The following INSR variants were observed in gnomAD, a reference collection of about 807,000 sequenced individuals.
INSR encodes the protein insulin receptor.
In INSR, 67 loss-of-function variants were observed where a neutral mutation model predicts 142.6. The observed-to-expected ratio is 0.47, with a 90% CI of 0.39 to 0.58. The LOEUF (loss-of-function observed/expected upper bound fraction) is 0.58. Ranked by LOEUF, INSR falls within the 20% of genes least tolerant of loss-of-function variation. The probability of loss-of-function intolerance (pLI) is 0.00; values close to 1 mark genes in which losing one functional copy is unlikely to be tolerated. For synonymous variants in INSR, 756 were observed against 743.1 expected (o/e 1.02, Z -0.28); for missense variants, 1,248 against 1,833.2 (o/e 0.68, Z 5.83).
chr19:7,264,708 T>C (rs2145203744), intron 2 of INSR, among the ~76,000 whole-genome samples: 1 of 152,350 alleles, frequency 6.6e-6, no homozygotes, highest in East Asian at 1.9e-4. Context: ...TTATTAGCTG[T>C]GTGGCTCTGG....
intron 9 of INSR, among the ~76,000 whole-genome samples, chr19:7,161,130 T>A (rs537983128): frequency 9.5e-4 from 142 of 149,618 alleles, no homozygotes; most frequent in African/African-American, 3.4e-3. Flanking sequence ...TTAAGAAAAA[T>A]TTGTCATTAA....
At chr19:7,283,009 C>T (rs1346703994) in intron 1 of INSR, among the ~76,000 whole-genome samples, 1 of 148,366 alleles carries the variant, frequency 6.7e-6, no homozygotes, top group African/African-American at 2.6e-5. Context: ...TAATAGGCAA[C>T]ATGGTGAGAC....
In INSR at chr19:7,265,946, G is replaced by A. The variant is rs557823754; in HGVS notation, c.652+1399C>T. Among the ~76,000 whole-genome samples, 22 of 152,242 alleles carry A rather than the reference G, an allele frequency of 1.4e-4. 1 individual carries two copies. The highest frequency in any genetic ancestry group is 4.1e-4 in the African/African-American group (17 of 41,544). On this transcript the variant is annotated intron_variant, in intron 2 of 21. Coordinates refer to ENST00000302850, the MANE Select transcript of INSR (RefSeq NM_000208.4). The stretch of plus-strand genomic sequence containing the variant: ...ACAAAATGCAATTGGCAAAGGGTTA[G>A]TAGCCTTCACTGATGAAAACCACAT...
chr19:7,129,064 C>T (rs1972715426), intron 14 of INSR, 110 bp from the exon 15 acceptor site: 1 of 800,840 alleles, frequency 1.2e-6, no homozygotes, highest in Non-Finnish European at 2.1e-6. Flanking sequence ...TTCCTTCCCT[C>T]CCTTGTCCAT....
chr19:7,214,444 C>G (rs528765278), intron 2 of INSR, among the ~76,000 whole-genome samples: 12 of 152,308 alleles, frequency 7.9e-5, no homozygotes, highest in African/African-American at 2.6e-4. Context: ...AAGTTAAAAG[C>G]CTTCCCAAGG....
intron 2 of INSR, among the ~76,000 whole-genome samples, chr19:7,232,644 A>C (rs1976017890): frequency 6.6e-6 from 1 of 152,000 alleles, no homozygotes; most frequent in African/African-American, 2.4e-5. Context: ...CCCTGTCTCT[A>C]CTTAAACTAC....
chr19:7,191,565 T>G (rs1974589921), intron 2 of INSR, among the ~76,000 whole-genome samples: 1 of 151,928 alleles, frequency 6.6e-6, no homozygotes, highest in Admixed American at 6.6e-5. Context: ...GGCTTGTGCA[T>G]GTAATGGCAC....
intron 9 of INSR, among the ~76,000 whole-genome samples, chr19:7,154,038 G>A (rs1973521306): frequency 1.3e-5 from 2 of 151,942 alleles, no homozygotes; most frequent in South Asian, 4.1e-4. Flanking sequence ...GCGCATGCCT[G>A]TAATCCCAGC....
intron 2 of INSR, among the ~76,000 whole-genome samples, chr19:7,231,931 C>T (rs995848762): frequency 5.3e-5 from 8 of 152,076 alleles, no homozygotes; most frequent in African/African-American, 1.4e-4. Flanking sequence ...AAACAATACT[C>T]TTCTTAAGCC....
chr19:7,209,503 G>A lies in INSR; in HGVS notation c.653-24866C>T, dbSNP rs568836094. Reference sequence around the variant, plus strand: ...GCCTATCACAGCTCTCTGCAGCCTCGACTTCCCAGGCTTAACTGATCCTCC... The same window carrying A: ...GCCTATCACAGCTCTCTGCAGCCTCAACTTCCCAGGCTTAACTGATCCTCC... On this transcript the variant is annotated intron_variant, in intron 2 of 21. Coordinates refer to ENST00000302850, the MANE Select transcript of INSR (RefSeq NM_000208.4). Among the ~76,000 whole-genome samples the A allele has an allele frequency of 5.3e-5, 8 of 152,076 alleles. No homozygotes were observed. The South Asian group carries it at 1.5e-3, about 28-fold the overall frequency.
At chr19:7,221,542 T>A (rs1975617440) in intron 2 of INSR, among the ~76,000 whole-genome samples, 1 of 151,946 alleles carries the variant, frequency 6.6e-6, no homozygotes, top group African/African-American at 2.4e-5. Flanking sequence ...ACCCCGTCCC[T>A]ACTAAAAACA....
chr19:7,152,407 A>G (rs2352954), intron 10 of INSR: 253,780 of 345,848 alleles, frequency 0.73, 97,148 homozygotes, highest in Non-Finnish European at 0.83. Context: ...GAGAGAGAGA[A>G]AAAAAAAAAT....
At chr19:7,170,800 A>G in intron 5 of INSR, 49 bp from the exon 6 acceptor site, 1 of 1,424,980 alleles carries the variant, frequency 7.0e-7, no homozygotes, top group Non-Finnish European at 9.9e-7. Context: ...GGTCTTCTAC[A>G]ACTCCAAGAT....
At chr19:7,155,959 G>C (rs1037198198) in intron 9 of INSR, among the ~76,000 whole-genome samples, 1 of 148,252 alleles carries the variant, frequency 6.7e-6, no homozygotes, top group Non-Finnish European at 1.5e-5. Context: ...GGAGGAGAAG[G>C]AGCCAGGTCA....
intron 3 of INSR, among the ~76,000 whole-genome samples, chr19:7,177,726 T>C (rs930776408): frequency 7.2e-6 from 1 of 139,626 alleles, no homozygotes; most frequent in East Asian, 2.0e-4. Flanking sequence ...TTTTTTTTTT[T>C]AGTAGAAACA....
rs776178021 is a variant in INSR at position 7,293,906 on chromosome 19, G to T, written c.-15C>A. ...CCGGTGGCCATGGCTGCGGGAGCGC[G>T]GGGTCTCCTCGGATCAGAGCGCGCG... On this transcript the variant is annotated 5_prime_UTR_variant, in exon 1 of 22. Coordinates refer to ENST00000302850, the MANE Select transcript of INSR (RefSeq NM_000208.4). The T allele has an allele frequency of 8.3e-7, 1 of 1,210,054 alleles. No homozygotes were observed. Among genetic ancestry groups the T allele is most frequent in the South Asian group, 3.7e-5 (1 of 27,092 alleles). The allele number at this position is 1,210,054 out of a possible 1,614,324, so 75.0% of individuals were successfully genotyped here.
chr19:7,200,816 C>T (rs111776722), intron 2 of INSR, among the ~76,000 whole-genome samples: 18 of 147,378 alleles, frequency 1.2e-4, no homozygotes, highest in South Asian at 4.3e-4. Flanking sequence ...GCTAGGATCA[C>T]GCCACTGCAC....
intron 2 of INSR, among the ~76,000 whole-genome samples, chr19:7,221,334 A>G (rs1156737994): frequency 6.6e-6 from 1 of 151,300 alleles, no homozygotes; most frequent in East Asian, 2.0e-4. Context: ...AGATTGTGCC[A>G]CTGCACTCGA....
chr19:7,266,799 A>G (rs1023846647), intron 2 of INSR, among the ~76,000 whole-genome samples: 3 of 152,226 alleles, frequency 2.0e-5, no homozygotes, highest in African/African-American at 7.2e-5. Flanking sequence ...TCTCGGCGAC[A>G]TGCGTTGTGG....
Sources: gnomAD v4.1 joint callset for allele counts (sites outside exome capture counted in the v4.1 genomes callset) on GRCh38, gnomAD v4.1.1 for gene constraint, MANE v1.5 for transcripts, NCBI Gene and HGNC (gene_info 2026-07-23, HGNC 2026-07-21) for gene names.